Variants in ZNF592 observed in about 807,000 individuals in gnomAD.
The protein encoded by ZNF592 is zinc finger protein 592, also known as spinocerebellar ataxia, autosomal recessive 5.
ZNF592 carries 11 observed loss-of-function variants against 80.3 expected under a neutral mutation model. The ratio of observed to expected loss-of-function variants is 0.14; its 90% CI spans 0.09 to 0.23. The LOEUF is 0.23. Ranked by LOEUF, ZNF592 falls within the 10% of genes least tolerant of loss-of-function variation. The pLI is 1.00. For missense variants in ZNF592, 1,420 were observed against 1,633.9 expected, an observed-to-expected ratio of 0.87 and a Z score of 2.26; for synonymous variants, 646 against 640.3, an observed-to-expected ratio of 1.01 and a Z score of -0.13.
Position 84,784,187 on chromosome 15 carries a change from C to T in ZNF592, c.1512C>T (p.His504=). The T allele has an allele frequency of 6.2e-7, 1 of 1,614,200 alleles. No homozygotes were observed. Among genetic ancestry groups the T allele is most frequent in the Non-Finnish European group, 8.5e-7 (1 of 1,180,042 alleles). ...APANLLPKAV[H]LANLNLVPHS... ...CCAACCTCCTGCCCAAAGCCGTGCA[C>T]TTGGCCAACCTGAACCTCGTCCCCC... The change falls in exon 4 of 11, where the codon CAC becomes CAT. Residue 504 remains histidine, a synonymous_variant. Coordinates refer to ENST00000560079, the MANE Select transcript of ZNF592 (RefSeq NM_014630.3). The surrounding 1 kb of genome is among the most constrained non-coding windows in gnomAD (Gnocchi z 5.8).
At chr15:84,796,265 T>TATATATATATATATATATA (rs1396711040) in intron 5 of ZNF592, among the ~76,000 whole-genome samples, 1 of 43,658 alleles carries the variant, frequency 2.3e-5, no homozygotes, top group African/African-American at 1.5e-4. Context: ...TATATATATA[T>TATATATATATATATATATA]TTTATATATA....
Position 84,802,242 on chromosome 15 carries a change from T to A in ZNF592, c.3653T>A (p.Leu1218Gln). ...EVPMETRENG[L>Q]EECAGEPLSA... ...CCCATGGAGACTAGAGAGAATGGAC[T>A]GGAAGAATGTGCCGGTGAGCCTTTG... The change falls in exon 11 of 11, where the codon CTG becomes CAG. Residue 1218 changes from leucine (L) to glutamine (Q), a missense_variant. This residue lies in a region of ZNF592 where 145 missense variants were observed against 211.9 expected (regional missense o/e 0.68). Coordinates refer to ENST00000560079, the MANE Select transcript of ZNF592 (RefSeq NM_014630.3). 6.2e-7 allele frequency: 1 copy of A among 1,603,156 alleles called. No individual in the cohort carries two copies.
At chr15:84,750,575 G>A (rs1223493749) in intron 1 of ZNF592, among the ~76,000 whole-genome samples, 2 of 152,154 alleles carry the variant, frequency 1.3e-5, no homozygotes, top group Admixed American at 1.3e-4. Context: ...CGGTGGCCTG[G>A]GAAGGCTTCC....
intron 1 of ZNF592, among the ~76,000 whole-genome samples, chr15:84,750,537 CAG>C (rs1491155053): frequency 1.3e-5 from 2 of 152,098 alleles, no homozygotes; most frequent in East Asian, 1.9e-4. Flanking sequence ...TCTGAGGTAT[CAG>C]GGGTGGTAGT....
At chr15:84,768,605 C>A (rs1270177067) in intron 2 of ZNF592, among the ~76,000 whole-genome samples, 2 of 152,068 alleles carry the variant, frequency 1.3e-5, no homozygotes, top group African/African-American at 2.4e-5. Context: ...GTTCTCAGAG[C>A]TAGCCTTTTC....
At chr15:84,755,879 T>A (rs1899155078) in intron 1 of ZNF592, among the ~76,000 whole-genome samples, 2 of 152,344 alleles carry the variant, frequency 1.3e-5, no homozygotes, top group African/African-American at 4.8e-5. Flanking sequence ...CTAGCACCTC[T>A]GATTGGGATA....
At chr15:84,781,233 A>T (rs993408764) in intron 3 of ZNF592, among the ~76,000 whole-genome samples, 1 of 151,948 alleles carries the variant, frequency 6.6e-6, no homozygotes, top group Non-Finnish European at 1.5e-5. Flanking sequence ...TTTTTAGTAG[A>T]GATGGGGTTT....
In ZNF592 at chr15:84,805,566, AAGCT is replaced by A. The variant is rs1963217010; in HGVS notation, c.*3175_*3178del. ...GTAAAATGATATGCTGAATTATTAT[AAGCT>A]AATTGTTGTAGAAAGAACTTTCCCC... is the stretch of plus-strand genomic sequence containing the variant. On this transcript the variant is annotated 3_prime_UTR_variant, in exon 11 of 11. Coordinates refer to ENST00000560079, the MANE Select transcript of ZNF592 (RefSeq NM_014630.3). 2.6e-5 allele frequency: 4 copies of A among 152,778 alleles called. 1 individual carries two copies. In the South Asian group the frequency reaches 8.3e-4, roughly 32 times the overall value. The allele number at this position is 152,778 out of a possible 1,614,324, so 9.5% of individuals were successfully genotyped here. A position where few individuals can be genotyped will look rare whatever the true frequency, so the allele number is the denominator to read the frequency against.
rs1297491836 is a variant in ZNF592 at position 84,784,157 on chromosome 15, C to G, written c.1482C>G (p.Ala494=). 6.2e-7 allele frequency: 1 copy of G among 1,614,172 alleles called. No individual in the cohort carries two copies. The part of the protein sequence containing the change: ...QSTALQASTL[A]PANLLPKAVH... Reference sequence around the variant, plus strand: ...CAGCACTGCAGGCATCCACCCTGGCCCCTGCCAACCTCCTGCCCAAAGCCG... The same window carrying G: ...CAGCACTGCAGGCATCCACCCTGGCGCCTGCCAACCTCCTGCCCAAAGCCG... The change falls in exon 4 of 11, where the codon GCC becomes GCG. Residue 494 remains alanine (A), a synonymous_variant. Coordinates refer to ENST00000560079, the MANE Select transcript of ZNF592 (RefSeq NM_014630.3). This position sits in a 1 kb window ranked among gnomAD's most constrained non-coding sequence, Gnocchi z 5.8.
intron 2 of ZNF592, among the ~76,000 whole-genome samples, chr15:84,774,412 T>C (rs537511598): frequency 4.6e-5 from 7 of 152,374 alleles, no homozygotes; most frequent in South Asian, 4.1e-4. Flanking sequence ...AAATTTTTCA[T>C]GAGTCCTTAT....
Position 84,798,926 on chromosome 15 carries a change from T to C in ZNF592, c.3024+51T>C. On this transcript the variant is annotated intron_variant, in intron 8 of 10. Transcript: ENST00000560079. The surrounding 1 kb of genome is among the most constrained non-coding windows in gnomAD (Gnocchi z 4.5). ...GCAGAGCCCAGTCCTCTGGACTTCCTTCTGTGAAGCCAGAACCCCTAGGGT... is the reference window on the plus strand; with the variant it reads ...GCAGAGCCCAGTCCTCTGGACTTCCCTCTGTGAAGCCAGAACCCCTAGGGT... 2 of 1,597,790 alleles carry C rather than the reference T, an allele frequency of 1.3e-6. No individual in the cohort carries two copies. Among genetic ancestry groups the C allele is most frequent in the South Asian group, 1.1e-5 (1 of 90,816 alleles).
intron 1 of ZNF592, among the ~76,000 whole-genome samples, chr15:84,762,732 G>A (rs1289536419): frequency 6.6e-6 from 1 of 152,150 alleles, no homozygotes; most frequent in Non-Finnish European, 1.5e-5. Flanking sequence ...CCCTGACCTT[G>A]CCAGGAATAA....
chr15:84,752,500 T>C (rs1471316399), intron 1 of ZNF592, among the ~76,000 whole-genome samples: 1 of 152,164 alleles, frequency 6.6e-6, no homozygotes, highest in African/African-American at 2.4e-5. Context: ...GCAAATAAGA[T>C]TGAGCAAAGA....
rs745307286 is a variant in ZNF592 at position 84,799,943 on chromosome 15, C to T, written c.3239C>T (p.Ser1080Phe). 1 of 1,614,084 alleles carries T rather than the reference C, an allele frequency of 6.2e-7. No individual in the cohort carries two copies. Among genetic ancestry groups the T allele is most frequent in the Admixed American group, 1.7e-5 (1 of 60,008 alleles). Reference sequence around the variant, plus strand: ...AGAAACCCTGATTTGAGCCAGACGTCCAAAGTGAAACCTCCGGGTGGACAT... The same window carrying T: ...AGAAACCCTGATTTGAGCCAGACGTTCAAAGTGAAACCTCCGGGTGGACAT... ...GIRNPDLSQT[S>F]KVKPPGGHSP... Residue 1080 changes from serine to phenylalanine, a missense_variant, in exon 10 of 11, where the codon TCC becomes TTC. Coordinates refer to ENST00000560079, the MANE Select transcript of ZNF592 (RefSeq NM_014630.3). The surrounding 1 kb of genome is among the most constrained non-coding windows in gnomAD (Gnocchi z 4.2).
At position 84,751,172 on chromosome 15, in the gene ZNF592, G is replaced by A. The variant is rs1268270434; in HGVS notation, c.-259+2508G>A. On this transcript the variant is annotated intron_variant, in intron 1 of 10. Coordinates refer to ENST00000560079, the MANE Select transcript of ZNF592 (RefSeq NM_014630.3). ...AAGGCAAAAATGAATTAACATTTAT[G>A]GAGTACCTGCCAGGTGGGAGAACCA... Among the ~76,000 whole-genome samples, 2 of 152,182 alleles carry A rather than the reference G, an allele frequency of 1.3e-5. 1 individual carries two copies. The highest frequency in any genetic ancestry group is 2.9e-5 in the Non-Finnish European group (2 of 68,036).
Position 84,782,813 on chromosome 15 carries a change from A to C in ZNF592, c.138A>C (p.Ile46=). The C allele has an allele frequency of 1.2e-6, 2 of 1,614,102 alleles. No individual in the cohort carries two copies. The highest frequency in any genetic ancestry group is 1.7e-6 in the Non-Finnish European group (2 of 1,180,028). ...AGAGTCCCCTCAAACCTCCAGGCAT[A>C]TGTATGGATGAAAGTGTGTCCTTGT... ...ENESPLKPPG[I]CMDESVSLSH... is the part of the protein sequence containing the mutation. The change falls in exon 4 of 11, where the codon ATA becomes ATC. Residue 46 remains isoleucine, a synonymous_variant. Transcript: ENST00000560079.
chr15:84,796,079 G>A (rs981424805), intron 5 of ZNF592, among the ~76,000 whole-genome samples: 14 of 151,012 alleles, frequency 9.3e-5, no homozygotes, highest in Admixed American at 7.3e-4. Flanking sequence ...AAAGTAAGCC[G>A]GGTGTGGTTG....
At chr15:84,797,840 C>G (rs753481462) in intron 5 of ZNF592, 29 bp from the exon 6 acceptor site, 1 of 1,613,964 alleles carries the variant, frequency 6.2e-7, no homozygotes, top group South Asian at 1.1e-5. Context: ...ATACTCCACC[C>G]ACACTCACAC....
chr15:84,753,882 A>G (rs564289349), intron 1 of ZNF592, among the ~76,000 whole-genome samples: 25 of 152,322 alleles, frequency 1.6e-4, no homozygotes, highest in African/African-American at 6.0e-4. Flanking sequence ...GAGCAATTGC[A>G]TGTACCCAAA....
Sources: allele counts gnomAD v4.1 joint callset (sites outside exome capture counted in the v4.1 genomes callset), GRCh38; gene constraint gnomAD v4.1.1; regional missense constraint gnomAD v4.1.1; non-coding constraint Gnocchi (gnomAD v3.1); transcripts MANE v1.5; gene names NCBI Gene and HGNC (gene_info 2026-07-23, HGNC 2026-07-21).